Variants in FAM171A1 observed in about 807,000 individuals in gnomAD.
FAM171A1 encodes protein FAM171A1.
A neutral mutation model predicts 74.9 loss-of-function variants in FAM171A1; 23 were observed. The ratio of observed to expected loss-of-function variants is 0.31; its 90% CI spans 0.22 to 0.44. The LOEUF (loss-of-function observed/expected upper bound fraction) is 0.44. Ranked by LOEUF, FAM171A1 falls within the 20% of genes least tolerant of loss-of-function variation. The pLI is 1.00. For synonymous variants in FAM171A1, 527 were observed against 505.7 expected, an observed-to-expected ratio of 1.04 and a Z score of -0.57; for missense variants, 1,162 against 1,159.2, an observed-to-expected ratio of 1.00 and a Z score of -0.03.
At chr10:15,364,329 C>T (rs1836033189) in intron 1 of FAM171A1, among the ~76,000 whole-genome samples, 1 of 152,114 alleles carries the variant, frequency 6.6e-6, no homozygotes, top group Non-Finnish European at 1.5e-5. Context: ...ACTTTTCCTT[C>T]CTCATCTGGA....
At chr10:15,340,929 A>G (rs1835757631) in intron 1 of FAM171A1, among the ~76,000 whole-genome samples, 1 of 152,144 alleles carries the variant, frequency 6.6e-6, no homozygotes, top group Non-Finnish European at 1.5e-5. Context: ...TGGGGAGGGC[A>G]TGGGCTTTAA....
intron 3 of FAM171A1, among the ~76,000 whole-genome samples, chr10:15,263,045 G>A (rs746883549): frequency 6.6e-5 from 10 of 152,194 alleles, no homozygotes; most frequent in Admixed American, 1.3e-4. Context: ...GCAGCTGCCC[G>A]GGGAACAGGA....
intron 1 of FAM171A1, among the ~76,000 whole-genome samples, chr10:15,287,782 G>A (rs7897907): frequency 0.99 from 150,837 of 152,288 alleles, 74,715 homozygotes; most frequent in Middle Eastern, 1. Context: ...ATTTATTTCC[G>A]TAGGTTTTAG....
Position 15,370,952 on chromosome 10 carries a change from TG to T in FAM171A1, c.97+3del. 8.7e-7 allele frequency: 1 copy of T among 1,153,008 alleles called. No homozygotes were observed. The highest frequency in any genetic ancestry group is 1.1e-6 in the Non-Finnish European group (1 of 918,136). 71.4% of individuals were successfully genotyped at this position (1,153,008 alleles called of 1,614,324 possible). A position where few individuals can be genotyped will look rare whatever the true frequency, so the allele number is the denominator to read the frequency against. On this transcript the variant is annotated splice_donor_region_variant and intron_variant, in intron 1 of 7. Transcript: ENST00000378116. ...AGCCCCCGGCCCCGCCGCCGCCCAC[TG>T]ACCTTGGGCTCCGGCGCCGGGCTCC... is the stretch of plus-strand genomic sequence containing the variant.
intron 1 of FAM171A1, among the ~76,000 whole-genome samples, chr10:15,326,317 C>CTT (rs200106956): frequency 1.4e-4 from 21 of 148,338 alleles, no homozygotes; most frequent in African/African-American, 5.2e-4. Flanking sequence ...TCCCACAATT[C>CTT]TTTTTTTTTT....
Position 15,213,898 on chromosome 10 carries a change from T to C in FAM171A1, c.1690A>G (p.Ser564Gly). The change falls in exon 8 of 8, where the codon AGT (serine) becomes GGT (glycine). Residue 564 changes from serine to glycine, a missense_variant. Ser to Gly is a moderately conservative substitution (Grantham distance 56, BLOSUM62 0). Transcript: ENST00000378116. This position sits in a 1 kb window ranked among gnomAD's most constrained non-coding sequence, Gnocchi z 6.8. ...FPRPGQLICC[S>G]SVDQVNDSVY... ...CTGTCATTGACCTGGTCGACAGAAC[T>C]GCAGCAGATTAACTGGCCGGGCCGT... 3.7e-6 allele frequency: 6 copies of C among 1,614,184 alleles called. No homozygotes were observed. Among genetic ancestry groups the C allele is most frequent in the Non-Finnish European group, 5.1e-6 (6 of 1,180,044 alleles).
intron 1 of FAM171A1, among the ~76,000 whole-genome samples, chr10:15,334,979 C>T (rs558488615): frequency 3.9e-4 from 59 of 152,310 alleles, no homozygotes; most frequent in African/African-American, 1.3e-3. Context: ...CAGTGGCTCA[C>T]GCCTGCAATC....
intron 5 of FAM171A1, among the ~76,000 whole-genome samples, chr10:15,229,445 TCAC>T (rs1283162219): frequency 2.7e-5 from 4 of 148,612 alleles, no homozygotes; most frequent in Non-Finnish European, 6.0e-5. Context: ...ATCACCATCG[TCAC>T]CACCATCATT....
chr10:15,288,537 A>G (rs1835065542), intron 1 of FAM171A1, among the ~76,000 whole-genome samples: 1 of 152,182 alleles, frequency 6.6e-6, no homozygotes, highest in Admixed American at 6.5e-5. Flanking sequence ...ATGCAATTTT[A>G]TGGAAATGCA....
intron 1 of FAM171A1, among the ~76,000 whole-genome samples, chr10:15,322,908 G>A (rs4750620): frequency 6.6e-6 from 1 of 151,986 alleles, no homozygotes; most frequent in Non-Finnish European, 1.5e-5. Flanking sequence ...GGGAGGCCCA[G>A]GTGGGTGGAT....
chr10:15,222,229 G>A (rs184461150), intron 5 of FAM171A1, among the ~76,000 whole-genome samples: 2 of 152,298 alleles, frequency 1.3e-5, no homozygotes, highest in East Asian at 3.9e-4. Flanking sequence ...TGGCTCTAAG[G>A]CCTAAATAGA....
chr10:15,328,187 C>A (rs1835581148), intron 1 of FAM171A1, among the ~76,000 whole-genome samples: 1 of 152,056 alleles, frequency 6.6e-6, no homozygotes, highest in East Asian at 1.9e-4. Context: ...TCTTGTCGCC[C>A]AGGCTGGAGT....
chr10:15,370,381 C>A (rs1050537082), intron 1 of FAM171A1, among the ~76,000 whole-genome samples: 1 of 151,904 alleles, frequency 6.6e-6, no homozygotes, highest in African/African-American at 2.4e-5. Context: ...GAGAGAACCC[C>A]CCAAACTTTC....
chr10:15,364,427 T>C (rs1256376239), intron 1 of FAM171A1, among the ~76,000 whole-genome samples: 1 of 152,160 alleles, frequency 6.6e-6, no homozygotes, highest in East Asian at 1.9e-4. Context: ...GGAATTCTGG[T>C]AAACCGATGC....
Position 15,261,900 on chromosome 10 carries a change from T to C in FAM171A1, c.419-7021A>G, listed in dbSNP as rs540326496. On this transcript the variant is annotated intron_variant, in intron 3 of 7. Coordinates refer to ENST00000378116, the MANE Select transcript of FAM171A1 (RefSeq NM_001010924.2). ...TAGGAGGCTGAGGCAGGAGGAACGC[T>C]TGAGGCCAGGAGTCTGAGAATAGCC... Among the ~76,000 whole-genome samples, 10 of 152,212 alleles carry C rather than the reference T, an allele frequency of 6.6e-5. No homozygotes were observed. In the East Asian group the frequency reaches 1.9e-3, roughly 29 times the overall value.
At chr10:15,301,340 C>G (rs1176740354) in intron 1 of FAM171A1, among the ~76,000 whole-genome samples, 1 of 133,870 alleles carries the variant, frequency 7.5e-6, no homozygotes, top group Non-Finnish European at 1.6e-5. Flanking sequence ...GCCCACACGC[C>G]CAGCTATATA....
intron 1 of FAM171A1, among the ~76,000 whole-genome samples, chr10:15,370,324 C>T (rs371240423): frequency 1.2e-3 from 178 of 150,012 alleles, no homozygotes; most frequent in Middle Eastern, 7.0e-3. Context: ...TCATGGGCCG[C>T]TGAGCAAATC....
intron 1 of FAM171A1, among the ~76,000 whole-genome samples, chr10:15,331,515 A>G (rs1835630878): frequency 6.6e-6 from 1 of 152,066 alleles, no homozygotes; most frequent in African/African-American, 2.4e-5. Flanking sequence ...GACCTTATAC[A>G]AGGGCAGAAG....
intron 3 of FAM171A1, among the ~76,000 whole-genome samples, chr10:15,264,661 T>C (rs940227973): frequency 6.6e-6 from 1 of 151,414 alleles, no homozygotes; most frequent in Non-Finnish European, 1.5e-5. Flanking sequence ...GTGTATACTG[T>C]AGTCCCAGCC....
Sources: allele counts gnomAD v4.1 joint callset (sites outside exome capture counted in the v4.1 genomes callset), GRCh38; gene constraint gnomAD v4.1.1; non-coding constraint Gnocchi (gnomAD v3.1); transcripts MANE v1.5; gene names NCBI Gene and HGNC (gene_info 2026-07-23, HGNC 2026-07-21).